MEGF6: variants seen among roughly 807,000 people sequenced by gnomAD.
The protein encoded by MEGF6 is multiple epidermal growth factor-like domains protein 6.
In MEGF6, 184 loss-of-function variants were observed where a neutral mutation model predicts 207.1. The observed-to-expected ratio is 0.89, with a 90% CI of 0.79 to 1.00. MEGF6 has a LOEUF of 1.00. Ranked by LOEUF, MEGF6 falls within the 50% of genes least tolerant of loss-of-function variation. The pLI is 0.00. For synonymous variants in MEGF6, 1,038 were observed against 910.0 expected, an observed-to-expected ratio of 1.14 and a Z score of -2.53; for missense variants, 2,282 against 2,202.9, an observed-to-expected ratio of 1.04 and a Z score of -0.72.
chr1:3,494,766 C>T, intron 30 of MEGF6, 25 bp from the exon 31 acceptor site: 1 of 1,540,410 alleles, frequency 6.5e-7, no homozygotes, highest in Non-Finnish European at 8.8e-7. Context: ...CAGGTGCTGC[C>T]TGGAGCTCTG....
At chr1:3,612,713 G>A (rs528223907), upstream of MEGF6, among the ~76,000 whole-genome samples, 6 of 150,298 alleles carry the variant, frequency 4.0e-5, no homozygotes, top group South Asian at 1.1e-3. Flanking sequence ...GAGGAACTTC[G>A]CTAATAGGGA....
chr1:3,601,046 G>A (rs955106062), intron 2 of MEGF6, among the ~76,000 whole-genome samples: 1 of 152,146 alleles, frequency 6.6e-6, no homozygotes, highest in African/African-American at 2.4e-5. Context: ...CCTCCAAGCA[G>A]GGGGACTTTG....
rs1640348258 is a variant in MEGF6, at chr1:3,491,202, G to A, written c.4517-243C>T. Among the ~76,000 whole-genome samples the A allele has an allele frequency of 2.0e-5, 3 of 152,010 alleles. No homozygotes were observed. The South Asian group carries it at 6.2e-4, about 32-fold the overall frequency. On this transcript the variant is annotated intron_variant, in intron 35 of 36. Transcript: ENST00000356575. ...AAGCCTCTACTACCCGCGACATCAG[G>A]GGCTTTACCGAACGCCAAGCCAAGT... is the stretch of plus-strand genomic sequence containing the variant.
In MEGF6 at chr1:3,489,432, C is replaced by A. The variant is rs1044796897; in HGVS notation, c.*1096G>T. ...TTGGCCACCCCACTCTGCAGAGGAG[C>A]CCCCAGCCACCACCTCTACCCTCTG... On this transcript the variant is annotated 3_prime_UTR_variant, in exon 37 of 37. Coordinates refer to ENST00000356575, the MANE Select transcript of MEGF6 (RefSeq NM_001409.4). Among the ~76,000 whole-genome samples the A allele has an allele frequency of 8.5e-5, 13 of 152,196 alleles. No homozygotes were observed. Among genetic ancestry groups the A allele is most frequent in the African/African-American group, 3.1e-4 (13 of 41,456 alleles).
At chr1:3,505,700 G>A (rs893920653) in intron 15 of MEGF6, 144 bp from the exon 16 acceptor site, 36 of 1,164,052 alleles carry the variant, frequency 3.1e-5, no homozygotes, top group Non-Finnish European at 3.7e-5. Flanking sequence ...GCAGCCCACC[G>A]CCCCTTCCCT....
In MEGF6 at chr1:3,497,002, G is replaced by C; in HGVS notation, c.3599C>G (p.Pro1200Arg). 6.5e-7 allele frequency: 1 copy of C among 1,550,194 alleles called. No homozygotes were observed. The highest frequency in any genetic ancestry group is 1.2e-5 in the South Asian group (1 of 84,192). The part of the protein sequence containing the change: ...TCSCAAGYHG[P>R]SCQQRCPPGR... ...GCAGCACTCACGTTGCTGGCAGCTG[G>C]GGCCGTGGTAGCCAGCAGCACATGA... Residue 1200 changes from proline (P) to arginine (R), a missense_variant, in exon 28 of 37, where the codon CCC (proline) becomes CGC (arginine). Physicochemically the swap from Pro to Arg is moderately radical, Grantham distance 103. Coordinates refer to ENST00000356575, the MANE Select transcript of MEGF6 (RefSeq NM_001409.4).
intron 4 of MEGF6, among the ~76,000 whole-genome samples, chr1:3,528,844 A>T (rs2096101): frequency 0.077 from 11,675 of 152,220 alleles, 613 homozygotes; most frequent in South Asian, 0.14. Context: ...ATTTTAGCCC[A>T]CTTTGGACTG....
intron 7 of MEGF6, 30 bp downstream of exon 7, chr1:3,514,520 G>A: frequency 6.4e-7 from 1 of 1,570,010 alleles, no homozygotes; most frequent in Non-Finnish European, 8.6e-7. Flanking sequence ...CTGACCCTGG[G>A]CGGGGCGGAG....
At chr1:3,593,549 C>T (rs1040405718) in intron 3 of MEGF6, among the ~76,000 whole-genome samples, 5 of 151,494 alleles carry the variant, frequency 3.3e-5, no homozygotes, top group African/African-American at 9.7e-5. Context: ...CCCAGTAAAC[C>T]CTGGGGACTC....
At chr1:3,507,709 A>G in intron 14 of MEGF6, 86 bp downstream of exon 14, 1 of 1,562,470 alleles carries the variant, frequency 6.4e-7, no homozygotes, top group Non-Finnish European at 8.8e-7. Context: ...GAGGAAGGAG[A>G]CAAGGAGGAC....
At position 3,490,337 on chromosome 1, in the gene MEGF6, C is replaced by T; in HGVS notation, c.*191G>A. ...CCTCTCTTCCAGCGGCCATGCGAGG[C>T]TTCCCTCCTCAAGGCCACACCAGCC... On this transcript the variant is annotated 3_prime_UTR_variant, in exon 37 of 37. Transcript: ENST00000356575. 1 of 630,214 alleles carries T rather than the reference C, an allele frequency of 1.6e-6. No homozygotes were observed. Among genetic ancestry groups the T allele is most frequent in the South Asian group, 2.1e-5 (1 of 48,330 alleles). The allele number at this position is 630,214 out of a possible 1,614,324, so 39.0% of individuals were successfully genotyped here. A position where few individuals can be genotyped will look rare whatever the true frequency, so the allele number is the denominator to read the frequency against.
At chr1:3,554,073 T>C (rs1395637967) in intron 4 of MEGF6, among the ~76,000 whole-genome samples, 1 of 152,080 alleles carries the variant, frequency 6.6e-6, no homozygotes, top group Non-Finnish European at 1.5e-5. Context: ...CCTGGTGTCC[T>C]GTGGGGAACA....
intron 4 of MEGF6, among the ~76,000 whole-genome samples, chr1:3,567,613 G>A (rs544698608): frequency 9.5e-4 from 144 of 152,272 alleles, no homozygotes; most frequent in Non-Finnish European, 1.8e-3. Flanking sequence ...CCCGTTTGCC[G>A]GGGACACGGC....
intron 5 of MEGF6, among the ~76,000 whole-genome samples, chr1:3,517,367 A>G (rs1641581286): frequency 6.6e-6 from 1 of 152,126 alleles, no homozygotes; most frequent in Admixed American, 6.5e-5. Flanking sequence ...ACTGGAGCCC[A>G]CCAGGGCGGG....
chr1:3,583,090 G>A (rs1643837785), intron 3 of MEGF6, among the ~76,000 whole-genome samples: 1 of 152,204 alleles, frequency 6.6e-6, no homozygotes, highest in Non-Finnish European at 1.5e-5. Flanking sequence ...GGAAAGGGAG[G>A]GTGCAAGGGG....
chr1:3,567,770 C>G (rs962848949), intron 4 of MEGF6, among the ~76,000 whole-genome samples: 1 of 152,208 alleles, frequency 6.6e-6, no homozygotes, highest in Non-Finnish European at 1.5e-5. Context: ...AGGAGACGGC[C>G]CTCCACCGAC....
At chr1:3,530,949 A>C in intron 4 of MEGF6, 1 of 1,249,348 alleles carries the variant, frequency 8.0e-7, no homozygotes, top group Non-Finnish European at 1.0e-6. Flanking sequence ...CCTGCCGGGC[A>C]CTGCCCCGCC....
chr1:3,568,739 G>A (rs1367802331), intron 4 of MEGF6, among the ~76,000 whole-genome samples: 1 of 152,108 alleles, frequency 6.6e-6, no homozygotes, highest in African/African-American at 2.4e-5. Flanking sequence ...TCAGCAGGAT[G>A]GGCCGTGAGC....
At chr1:3,609,598 G>C (rs1644298422) in intron 1 of MEGF6, among the ~76,000 whole-genome samples, 1 of 152,268 alleles carries the variant, frequency 6.6e-6, no homozygotes, top group African/African-American at 2.4e-5. Flanking sequence ...GGATGTGAAG[G>C]ACAGAGAAGG....
Sources: gnomAD v4.1 joint callset for allele counts (sites outside exome capture counted in the v4.1 genomes callset) on GRCh38, gnomAD v4.1.1 for gene constraint, MANE v1.5 for transcripts, NCBI Gene and HGNC (gene_info 2026-07-23, HGNC 2026-07-21) for gene names.